Variants in PEBP4 observed in about 807,000 individuals in gnomAD.
PEBP4 encodes the protein phosphatidylethanolamine binding protein 4.
PEBP4 carries 22 observed loss-of-function variants against 23.9 expected under a neutral mutation model. The observed-to-expected ratio is 0.92, with a 90% CI of 0.66 to 1.31. The LOEUF (loss-of-function observed/expected upper bound fraction) is 1.31, where lower values mean the gene tolerates loss of function less well. Ranked by LOEUF, PEBP4 falls within the 40% of genes most tolerant of loss-of-function variation. The pLI is 0.00. For missense variants in PEBP4, 324 were observed against 281.7 expected, an observed-to-expected ratio of 1.15 and a Z score of -1.07; for synonymous variants, 112 against 99.3, an observed-to-expected ratio of 1.13 and a Z score of -0.76.
intron 4 of PEBP4, among the ~76,000 whole-genome samples, chr8:22,733,279 G>A (rs1046900391): frequency 7.2e-5 from 11 of 152,180 alleles, no homozygotes; most frequent in African/African-American, 2.7e-4. Flanking sequence ...GTCCGTGGGC[G>A]CCCTGGCCCA....
At chr8:22,736,514 G>A (rs1459759667) in intron 4 of PEBP4, among the ~76,000 whole-genome samples, 1 of 152,188 alleles carries the variant, frequency 6.6e-6, no homozygotes, top group Non-Finnish European at 1.5e-5. Context: ...GCTGAAGTGG[G>A]AGGATTGCTT....
chr8:22,817,601 C>T (rs770322712), intron 4 of PEBP4, 36 bp downstream of exon 4: 1 of 1,576,012 alleles, frequency 6.3e-7, no homozygotes, highest in Non-Finnish European at 8.7e-7. Context: ...AGATACAACC[C>T]CAAATGCGTC....
intron 4 of PEBP4, among the ~76,000 whole-genome samples, chr8:22,738,147 G>A (rs1454438659): frequency 6.6e-6 from 1 of 152,204 alleles, no homozygotes; most frequent in Non-Finnish European, 1.5e-5. Context: ...CAGAGCGAGT[G>A]GCACATCATG....
chr8:22,717,407 C>T (rs1804437091), intron 6 of PEBP4, among the ~76,000 whole-genome samples: 1 of 152,194 alleles, frequency 6.6e-6, no homozygotes, highest in East Asian at 1.9e-4. Flanking sequence ...AGCCAAGGGA[C>T]GTTTCCCACC....
Position 22,724,842 on chromosome 8 carries a change from C to A in PEBP4, c.517+1G>T, listed in dbSNP as rs1477456323. On this transcript the variant is annotated splice_donor_variant, in intron 6 of 6. Coordinates refer to ENST00000256404, the MANE Select transcript of PEBP4 (RefSeq NM_144962.3). LOFTEE classifies it high-confidence loss of function. Reference sequence around the variant, plus strand: ...TGGCTGGAAGGATGGGGAGGTCTTACCTCGAGTTTTGTTTTCCTTGGGAAG... The same window carrying A: ...TGGCTGGAAGGATGGGGAGGTCTTAACTCGAGTTTTGTTTTCCTTGGGAAG... 6.2e-7 allele frequency: 1 copy of A among 1,609,558 alleles called. No homozygotes were observed.
chr8:22,735,435 A>G (rs1804839541), intron 4 of PEBP4, among the ~76,000 whole-genome samples: 1 of 152,244 alleles, frequency 6.6e-6, no homozygotes, highest in South Asian at 2.1e-4. Flanking sequence ...AAATGTGTGC[A>G]TGAGACATGG....
chr8:22,717,163 T>C (rs148559844), intron 6 of PEBP4, among the ~76,000 whole-genome samples: 264 of 152,184 alleles, frequency 1.7e-3, no homozygotes, highest in Non-Finnish European at 3.2e-3. Context: ...GCCTCCTGAG[T>C]AGCTGGAACC....
chr8:22,716,570 G>A (rs1473337911), intron 6 of PEBP4, among the ~76,000 whole-genome samples: 1 of 152,222 alleles, frequency 6.6e-6, no homozygotes, highest in Non-Finnish European at 1.5e-5. Context: ...AAGGCCCTGG[G>A]GCAGGTCTTG....
chr8:22,754,544 G>A (rs1215536348), intron 4 of PEBP4, among the ~76,000 whole-genome samples: 3 of 152,222 alleles, frequency 2.0e-5, no homozygotes, highest in Admixed American at 2.0e-4. Flanking sequence ...TTGCCAGCAG[G>A]CCTGGAAGTG....
At chr8:22,830,960 G>C (rs1807073214) in intron 3 of PEBP4, among the ~76,000 whole-genome samples, 1 of 152,142 alleles carries the variant, frequency 6.6e-6, no homozygotes, top group Admixed American at 6.5e-5. Context: ...GCTTCCCTTG[G>C]ATCCTTAATG....
intron 3 of PEBP4, among the ~76,000 whole-genome samples, chr8:22,843,285 G>T (rs988927610): frequency 6.6e-6 from 1 of 152,206 alleles, no homozygotes; most frequent in Non-Finnish European, 1.5e-5. Context: ...TCTATTTTGT[G>T]CAGGCCCCCA....
chr8:22,908,303 G>A (rs958087090), intron 3 of PEBP4, among the ~76,000 whole-genome samples: 3 of 152,002 alleles, frequency 2.0e-5, no homozygotes, highest in Admixed American at 6.6e-5. Context: ...AGGAGACACC[G>A]AAGTGAGAGC....
chr8:22,743,629 T>C (rs1272597697), intron 4 of PEBP4, among the ~76,000 whole-genome samples: 1 of 152,100 alleles, frequency 6.6e-6, no homozygotes, highest in Non-Finnish European at 1.5e-5. Context: ...AAGTGAGGAA[T>C]TTAGGTCAAT....
intron 3 of PEBP4, among the ~76,000 whole-genome samples, chr8:22,903,742 C>T (rs543829480): frequency 1.5e-4 from 23 of 152,366 alleles, no homozygotes; most frequent in Non-Finnish European, 2.4e-4. Context: ...GAAGCATTCG[C>T]AAATGGCAGC....
At chr8:22,830,704 C>G (rs1415848841) in intron 3 of PEBP4, among the ~76,000 whole-genome samples, 1 of 152,106 alleles carries the variant, frequency 6.6e-6, no homozygotes, top group Non-Finnish European at 1.5e-5. Flanking sequence ...GTTCCTCCCT[C>G]TTTTCCTCCT....
intron 6 of PEBP4, among the ~76,000 whole-genome samples, chr8:22,714,134 G>T (rs925523641): frequency 6.6e-6 from 1 of 152,264 alleles, no homozygotes; most frequent in Admixed American, 6.5e-5. Flanking sequence ...CTGGACCCTG[G>T]CGGGGGAGCT....
At chr8:22,823,180 A>G (rs1282456425) in intron 3 of PEBP4, among the ~76,000 whole-genome samples, 1 of 151,998 alleles carries the variant, frequency 6.6e-6, no homozygotes, top group Non-Finnish European at 1.5e-5. Context: ...TTACTACATG[A>G]TAGTTATAAT....
intron 4 of PEBP4, among the ~76,000 whole-genome samples, chr8:22,765,245 G>A (rs924874538): frequency 2.6e-5 from 4 of 151,964 alleles, no homozygotes; most frequent in African/African-American, 4.8e-5. Context: ...TCATGTTCAA[G>A]CGATTCTCCT....
At chr8:22,796,250 A>C (rs1293844353) in intron 4 of PEBP4, among the ~76,000 whole-genome samples, 7 of 117,932 alleles carry the variant, frequency 5.9e-5, no homozygotes, top group African/African-American at 1.3e-4. Context: ...AGCAATTCTC[A>C]AGTGTGCGTG....
Sources: gnomAD v4.1 joint callset for allele counts (sites outside exome capture counted in the v4.1 genomes callset) on GRCh38, gnomAD v4.1.1 for gene constraint, MANE v1.5 for transcripts, NCBI Gene and HGNC (gene_info 2026-07-23, HGNC 2026-07-21) for gene names.